The following ROBO1 variants were observed in gnomAD, a reference collection of about 807,000 sequenced individuals.
The protein encoded by ROBO1 is roundabout guidance receptor 1, also known as roundabout homolog 1.
ROBO1 carries 149 observed loss-of-function variants against 195.9 expected under a neutral mutation model. That is an observed-to-expected ratio of 0.76 (90% CI 0.67 to 0.87). ROBO1 has a LOEUF of 0.87. ROBO1 is among the 40% of genes least tolerant of loss of function. The pLI, the probability that ROBO1 is intolerant of heterozygous loss-of-function variation, is 0.00. For synonymous variants in ROBO1, 816 were observed against 733.2 expected (o/e 1.11, Z -1.82); for missense variants, 1,933 against 2,068.3 (o/e 0.93, Z 1.27).
intron 2 of ROBO1, among the ~76,000 whole-genome samples, chr3:79,401,550 T>G (rs1468607243): frequency 6.6e-6 from 1 of 151,852 alleles, no homozygotes; most frequent in Non-Finnish European, 1.5e-5. Context: ...GGGATAGGGC[T>G]TCTTAAGTTG....
At chr3:79,268,667 C>T (rs971210461) in intron 2 of ROBO1, among the ~76,000 whole-genome samples, 4 of 151,590 alleles carry the variant, frequency 2.6e-5, no homozygotes, top group African/African-American at 9.7e-5. Flanking sequence ...ACTTCCATAT[C>T]CGTTTGGTGG....
At chr3:79,502,820 C>T (rs1461171234) in intron 2 of ROBO1, among the ~76,000 whole-genome samples, 3 of 152,032 alleles carry the variant, frequency 2.0e-5, no homozygotes, top group African/African-American at 7.2e-5. Flanking sequence ...TTCGTAAATA[C>T]ACCAGTCAGC....
At chr3:79,022,791 C>G (rs927997781) in intron 3 of ROBO1, among the ~76,000 whole-genome samples, 3 of 152,144 alleles carry the variant, frequency 2.0e-5, no homozygotes, top group Non-Finnish European at 2.9e-5. Context: ...CTATGAAATT[C>G]AGGATCCCCA....
chr3:79,760,457 A>C (rs559660332), intron 1 of ROBO1, among the ~76,000 whole-genome samples: 13 of 150,360 alleles, frequency 8.6e-5, no homozygotes, highest in African/African-American at 3.2e-4. Context: ...AGAAGAAAAA[A>C]GATAAAACAG....
At chr3:78,711,413 T>TTC (rs2081728704) in intron 8 of ROBO1, among the ~76,000 whole-genome samples, 1 of 92,226 alleles carries the variant, frequency 1.1e-5, no homozygotes, top group Non-Finnish European at 2.1e-5. Flanking sequence ...CTTTCTTTCT[T>TTC]TCTTTCTTTC....
intron 2 of ROBO1, among the ~76,000 whole-genome samples, chr3:79,326,710 T>C (rs1161345462): frequency 6.6e-6 from 1 of 152,224 alleles, no homozygotes; most frequent in East Asian, 1.9e-4. Context: ...CTGGACAATT[T>C]TTCTACTTCA....
At chr3:79,310,104 A>G (rs2033409122) in intron 2 of ROBO1, among the ~76,000 whole-genome samples, 1 of 152,112 alleles carries the variant, frequency 6.6e-6, no homozygotes, top group Admixed American at 6.6e-5. Context: ...AAGGTTTTGT[A>G]TCACCTCCAG....
intron 3 of ROBO1, among the ~76,000 whole-genome samples, chr3:78,989,069 T>A (rs2077175955): frequency 6.6e-6 from 1 of 152,136 alleles, no homozygotes; most frequent in South Asian, 2.1e-4. Flanking sequence ...ATAGGAGGAA[T>A]AAGTTCTGGC....
intron 2 of ROBO1, among the ~76,000 whole-genome samples, chr3:79,557,550 A>T (rs1340164500): frequency 6.6e-6 from 1 of 151,680 alleles, no homozygotes; most frequent in Non-Finnish European, 1.5e-5. Flanking sequence ...CCTGGCCAAC[A>T]AGGCGAAACC....
rs1339158762 is a variant in ROBO1, at chr3:78,627,389, T to G, written c.3807A>C (p.Glu1269Asp). 4 of 1,612,528 alleles carry G rather than the reference T, an allele frequency of 2.5e-6. No individual in the cohort carries two copies. The highest frequency in any genetic ancestry group is 1.3e-5 in the African/African-American group (1 of 74,906). ...AATCCTGTAACATGGGCTGGAGTTCTTCCTGTGGGGAGGGAGTCAGAGTGG... is the reference window on the plus strand; with the variant it reads ...AATCCTGTAACATGGGCTGGAGTTCGTCCTGTGGGGAGGGAGTCAGAGTGG... ...STATLTPSPQ[E>D]ELQPMLQDCP... The change falls in exon 26 of 31, where the codon GAA (glutamate) becomes GAC (aspartate). Residue 1269 changes from glutamate (E) to aspartate (D), a missense_variant. By Grantham distance (45) the Glu-to-Asp change is conservative. Around this residue, in one of 3 missense-constraint regions of ROBO1, gnomAD observed 1,737 missense variants for 1,882.5 expected, o/e 0.92. Transcript: ENST00000464233.
intron 2 of ROBO1, among the ~76,000 whole-genome samples, chr3:79,436,088 GAAT>G (rs2038877569): frequency 1.3e-5 from 2 of 152,160 alleles, no homozygotes; most frequent in South Asian, 2.1e-4. Flanking sequence ...TGTAAAGAAA[GAAT>G]AATAAGTTCT....
chr3:78,890,431 C>A (rs902711151), intron 4 of ROBO1, among the ~76,000 whole-genome samples: 1 of 151,970 alleles, frequency 6.6e-6, no homozygotes. Flanking sequence ...AGGAAGAGGG[C>A]CATCATCAAG....
intron 3 of ROBO1, among the ~76,000 whole-genome samples, chr3:79,052,924 A>G (rs968070883): frequency 2.0e-5 from 3 of 152,028 alleles, no homozygotes; most frequent in Non-Finnish European, 4.4e-5. Context: ...TCTAAACATC[A>G]TGCTTATCTC....
intron 5 of ROBO1, among the ~76,000 whole-genome samples, chr3:78,742,613 G>C (rs2082559571): frequency 6.6e-6 from 1 of 152,098 alleles, no homozygotes; most frequent in South Asian, 2.1e-4. Flanking sequence ...CAGTTCCACA[G>C]TCATAATTTA....
intron 2 of ROBO1, among the ~76,000 whole-genome samples, chr3:79,273,904 T>A (rs1484084481): frequency 1.3e-5 from 2 of 151,792 alleles, no homozygotes; most frequent in Non-Finnish European, 2.9e-5. Flanking sequence ...TTCAAAAAAC[T>A]GTAAGAGACA....
intron 4 of ROBO1, among the ~76,000 whole-genome samples, chr3:78,803,222 GTC>G (rs1356622275): frequency 6.6e-6 from 1 of 152,138 alleles, no homozygotes; most frequent in African/African-American, 2.4e-5. Context: ...AGGAAACAAT[GTC>G]TCTCTTTCTC....
chr3:79,388,134 T>A lies in ROBO1; in HGVS notation c.88+201690A>T, dbSNP rs1420772497. On this transcript the variant is annotated intron_variant, in intron 2 of 30. Coordinates refer to ENST00000464233, the MANE Select transcript of ROBO1 (RefSeq NM_002941.4). ...TATAGTGAAACTAAGATCTTCAATC[T>A]CTTTTCACAAAATATAATTGCTGCC... Among the ~76,000 whole-genome samples the A allele has an allele frequency of 3.9e-5, 6 of 152,144 alleles. No homozygotes were observed. The East Asian group carries it at 1.2e-3, about 29-fold the overall frequency.
chr3:79,578,542 T>G (rs1412972871), intron 2 of ROBO1, among the ~76,000 whole-genome samples: 1 of 152,180 alleles, frequency 6.6e-6, no homozygotes, highest in Non-Finnish European at 1.5e-5. Flanking sequence ...GTTTTGAAAG[T>G]AAAGTATAAT....
At chr3:79,377,714 G>A (rs963533249) in intron 2 of ROBO1, among the ~76,000 whole-genome samples, 16 of 152,182 alleles carry the variant, frequency 1.1e-4, no homozygotes, top group Admixed American at 5.9e-4. Flanking sequence ...ATTAGGGACA[G>A]CCAAGAACTG....
Sources: gnomAD v4.1 joint callset for allele counts (sites outside exome capture counted in the v4.1 genomes callset) on GRCh38, gnomAD v4.1.1 for gene constraint, gnomAD v4.1.1 regional missense constraint, MANE v1.5 for transcripts, NCBI Gene and HGNC (gene_info 2026-07-23, HGNC 2026-07-21) for gene names.